The following SOD2 variants were observed in gnomAD, a reference collection of about 807,000 sequenced individuals.
SOD2 encodes superoxide dismutase 2, also known as superoxide dismutase [Mn], mitochondrial.
Under a neutral mutation model 27.0 loss-of-function variants are expected in SOD2, and 11 were observed. That is an observed-to-expected ratio of 0.41 (90% CI 0.26 to 0.67). The LOEUF is 0.67. SOD2 is among the 30% of genes least tolerant of loss of function. The pLI, the probability that SOD2 is intolerant of heterozygous loss-of-function variation, is 0.34. For missense variants in SOD2, 250 were observed against 274.5 expected, an observed-to-expected ratio of 0.91 and a Z score of 0.63; for synonymous variants, 105 against 103.0, an observed-to-expected ratio of 1.02 and a Z score of -0.12.
At chr6:159,755,463 C>G (rs1779967405) in intron 1 of SOD2, 3 of 1,613,962 alleles carry the variant, frequency 1.9e-6, no homozygotes, top group East Asian at 4.5e-5. Flanking sequence ...AGTGAAAACT[C>G]TCTCACACAC....
At chr6:159,722,961 G>A (rs1422369676) in intron 1 of SOD2, among the ~76,000 whole-genome samples, 1 of 152,190 alleles carries the variant, frequency 6.6e-6, no homozygotes, top group Non-Finnish European at 1.5e-5. Context: ...TGCCCATCCA[G>A]AGAAAGCCAA....
upstream of SOD2, among the ~76,000 whole-genome samples, chr6:159,693,695 A>G (rs1456113203): frequency 6.6e-6 from 1 of 152,162 alleles, no homozygotes; most frequent in African/African-American, 2.4e-5. Context: ...GCAAAAAGAC[A>G]TTCATACCCT....
chr6:159,707,472 G>C, intron 1 of SOD2, among the ~76,000 whole-genome samples: 1 of 152,130 alleles, frequency 6.6e-6, no homozygotes, highest in Non-Finnish European at 1.5e-5. Flanking sequence ...ACTACCATCA[G>C]AGAATACTAT....
chr6:159,692,841 C>T lies in SOD2; in HGVS notation c.46G>A (p.Val16Ile), dbSNP rs774208220. The T allele has an allele frequency of 2.5e-6, 4 of 1,611,342 alleles. No homozygotes were observed. In the South Asian group the frequency reaches 4.4e-5, roughly 18 times the overall value. Residue 16 changes from valine to isoleucine, a missense_variant, in exon 2 of 5, where the codon GTT becomes ATT. Physicochemically the swap from Val to Ile is conservative, Grantham distance 29. Coordinates refer to ENST00000538183, the MANE Select transcript of SOD2 (RefSeq NM_000636.4). ...VCGTSRQLAP[V>I]LGYLGSRQKH... ...TGCCTGGAGCCCAGATACCCCAAAA[C>T]CGGAGCCAGCTGCCTGCTGGTGCTG...
chr6:159,755,507 C>G lies in SOD2; in HGVS notation c.-336+5530G>C, dbSNP rs1465999594. 6.1e-5 allele frequency: 98 copies of G among 1,614,144 alleles called. No individual in the cohort carries two copies. The highest frequency in any genetic ancestry group is 8.3e-5 in the Non-Finnish European group (98 of 1,180,032). On this transcript the variant is annotated intron_variant, in intron 1 of 7. Transcript: ENST00000546087. ...TGACACAGACTCCAGTCATGACCCT[C>G]AAGAGGAGAAAGCAGTGAGTGGGAA...
chr6:159,742,195 TG>T, intron 1 of SOD2: 14 of 1,444,124 alleles, frequency 9.7e-6, no homozygotes, highest in East Asian at 2.3e-5. Flanking sequence ...TCCTTTTGAT[TG>T]TTAAAATCAA....
upstream of SOD2, chr6:159,748,411 C>G: frequency 6.2e-7 from 1 of 1,605,880 alleles, no homozygotes; most frequent in Non-Finnish European, 8.5e-7. This position sits in a 1 kb window ranked among gnomAD's most constrained non-coding sequence, Gnocchi z 5.6. Context: ...CCCTGACAGT[C>G]CCACTACGAG....
At chr6:159,700,759 A>G (rs1777510528) in intron 1 of SOD2, among the ~76,000 whole-genome samples, 1 of 152,166 alleles carries the variant, frequency 6.6e-6, no homozygotes, top group South Asian at 2.1e-4. Context: ...TACTAAATGA[A>G]GAACAAATAT....
At chr6:159,748,041 T>C, upstream of SOD2, 1 of 1,034,522 alleles carries the variant, frequency 9.7e-7, no homozygotes, top group South Asian at 1.8e-5. The surrounding 1 kb of genome is among the most constrained non-coding windows in gnomAD (Gnocchi z 5.6). Context: ...TTCTAGAAAG[T>C]TTTAAGATTT....
At position 159,753,431 on chromosome 6, in the gene SOD2, T is replaced by C. The variant is rs74588438; in HGVS notation, c.-335-4755A>G. The C allele has an allele frequency of 9.5e-4, 1,536 of 1,614,106 alleles. 11 individuals carry two copies. The African/African-American group carries it at 0.018, about 19-fold the overall frequency. On this transcript the variant is annotated intron_variant, in intron 1 of 7. Coordinates refer to the SOD2 transcript ENST00000546087. ...CAAAGACAGAGAGTTTTGTCTTCAT[T>C]TTGTGATGGATGGCTCTTTCCTTTG... is the stretch of plus-strand genomic sequence containing the variant.
At chr6:159,698,714 TG>T (rs1777473917) in intron 1 of SOD2, among the ~76,000 whole-genome samples, 1 of 151,800 alleles carries the variant, frequency 6.6e-6, no homozygotes, top group South Asian at 2.1e-4. Context: ...ACATAAAGTT[TG>T]TACATCACAG....
chr6:159,740,569 C>A (rs1249742396), intron 1 of SOD2, among the ~76,000 whole-genome samples: 2 of 152,132 alleles, frequency 1.3e-5, no homozygotes, highest in Non-Finnish European at 2.9e-5. Flanking sequence ...CTCTATACAT[C>A]CCCAAATATT....
At position 159,674,548 on chromosome 6, in the gene SOD2, C is replaced by T. The variant is rs533642774; in HGVS notation, c.*7945G>A. 2.6e-5 allele frequency: 4 copies of T among 152,276 alleles called. No homozygotes were observed. The South Asian group carries it at 6.2e-4, about 24-fold the overall frequency. 9.4% of individuals were successfully genotyped at this position (152,276 alleles called of 1,614,324 possible). A position where few individuals can be genotyped will look rare whatever the true frequency, so the allele number is the denominator to read the frequency against. ...AAGGCCTTGGACAAAATTCAACAGC[C>T]CTTCATGCTAAAAACTCTCAATGAA... is the stretch of plus-strand genomic sequence containing the variant. On this transcript the variant is annotated 3_prime_UTR_variant, in exon 5 of 5. Coordinates refer to ENST00000538183, the MANE Select transcript of SOD2 (RefSeq NM_000636.4).
chr6:159,700,734 G>C (rs1414091666), intron 1 of SOD2, among the ~76,000 whole-genome samples: 1 of 151,638 alleles, frequency 6.6e-6, no homozygotes, highest in Non-Finnish European at 1.5e-5. Context: ...GCATGGATAA[G>C]ACTTAGTCTC....
At chr6:159,733,200 C>G (rs1778695181) in intron 1 of SOD2, among the ~76,000 whole-genome samples, 1 of 152,244 alleles carries the variant, frequency 6.6e-6, no homozygotes, top group African/African-American at 2.4e-5. Flanking sequence ...CATTTTATAT[C>G]ATAGTAATAT....
At chr6:159,731,956 TG>T (rs1260664547), upstream of SOD2, among the ~76,000 whole-genome samples, 1 of 151,496 alleles carries the variant, frequency 6.6e-6, no homozygotes, top group Non-Finnish European at 1.5e-5. Flanking sequence ...AATAAGAATA[TG>T]GATACCTGTC....
intron 1 of SOD2, among the ~76,000 whole-genome samples, chr6:159,732,982 G>A (rs911928586): frequency 1.3e-5 from 2 of 151,464 alleles, no homozygotes; most frequent in Non-Finnish European, 2.9e-5. Flanking sequence ...TGATATCTGG[G>A]TTCTAAGACT....
intron 1 of SOD2, among the ~76,000 whole-genome samples, chr6:159,744,106 C>G (rs976578060): frequency 6.6e-6 from 1 of 152,112 alleles, no homozygotes; most frequent in Non-Finnish European, 1.5e-5. Context: ...AACATTTGCT[C>G]TTTATTGCTT....
chr6:159,743,960 C>T (rs1779411992), intron 1 of SOD2, among the ~76,000 whole-genome samples: 2 of 152,034 alleles, frequency 1.3e-5, no homozygotes, highest in African/African-American at 2.4e-5. Flanking sequence ...GATAATGTCT[C>T]ATTTAGACTG....
Sources: gnomAD v4.1 joint callset for allele counts (sites outside exome capture counted in the v4.1 genomes callset) on GRCh38, gnomAD v4.1.1 for gene constraint, Gnocchi (gnomAD v3.1) non-coding constraint, MANE v1.5 for transcripts, NCBI Gene and HGNC (gene_info 2026-07-23, HGNC 2026-07-21) for gene names.